Variants in SLC22A23 observed in about 807,000 individuals in gnomAD.
SLC22A23 encodes the protein solute carrier family 22 member 23.
In SLC22A23, 26 loss-of-function variants were observed where a neutral mutation model predicts 61.0. The ratio of observed to expected loss-of-function variants is 0.43; its 90% CI spans 0.31 to 0.59. The LOEUF (loss-of-function observed/expected upper bound fraction) is 0.59, where lower values mean the gene tolerates loss of function less well. SLC22A23 is among the 20% of genes least tolerant of loss of function. The pLI is 0.11. For synonymous variants in SLC22A23, 430 were observed against 413.9 expected, an observed-to-expected ratio of 1.04 and a Z score of -0.47; for missense variants, 796 against 934.7, an observed-to-expected ratio of 0.85 and a Z score of 1.94.
Position 3,287,084 on chromosome 6 carries a change from C to G in SLC22A23, c.1321G>C (p.Gly441Arg). Reference protein sequence around the residue: ...IVVLCVNSLTGYGIHHCFARS... With the variant: ...IVVLCVNSLTRYGIHHCFARS... ...GCAAAGCAGTGGTGGATCCCGTACC[C>G]CGTCAGCCTGTGGAGACATACCGAG... The change falls in exon 7 of 10, where the codon GGG (glycine) becomes CGG (arginine). Residue 441 changes from glycine (G) to arginine (R), a missense_variant. Gly to Arg is a moderately radical substitution (Grantham distance 125). Coordinates refer to ENST00000406686, the MANE Select transcript of SLC22A23 (RefSeq NM_015482.2). The G allele has an allele frequency of 6.2e-7, 1 of 1,614,050 alleles. No individual in the cohort carries two copies. Among genetic ancestry groups the G allele is most frequent in the African/African-American group, 1.3e-5 (1 of 75,050 alleles).
chr6:3,412,888 G>C (rs1769366126), intron 2 of SLC22A23, among the ~76,000 whole-genome samples: 1 of 152,184 alleles, frequency 6.6e-6, no homozygotes, highest in African/African-American at 2.4e-5. Flanking sequence ...TTAGAAGCTA[G>C]AAAAAGCAGG....
rs1004595494 is a variant in SLC22A23 at position 3,297,585 on chromosome 6, T to C, written c.1210+506A>G. ...AACCCCCACCTAGCTGTGGTAACGC[T>C]CCTGACACGCAGGAATTCTATGGAT... On this transcript the variant is annotated intron_variant, in intron 5 of 9. Transcript: ENST00000406686. The surrounding 1 kb of genome is among the most constrained non-coding windows in gnomAD (Gnocchi z 4.3). Among the ~76,000 whole-genome samples the C allele has an allele frequency of 1.3e-5, 2 of 152,170 alleles. No individual in the cohort carries two copies. Among genetic ancestry groups the C allele is most frequent in the African/African-American group, 4.8e-5 (2 of 41,426 alleles).
chr6:3,280,463 T>C (rs1265924417), intron 9 of SLC22A23, among the ~76,000 whole-genome samples: 2 of 45,822 alleles, frequency 4.4e-5, no homozygotes, highest in Admixed American at 5.1e-4. Context: ...AGTACTTGTT[T>C]TCAGATGTGA....
intron 5 of SLC22A23, 88 bp downstream of exon 5, chr6:3,298,003 C>T: frequency 7.1e-7 from 1 of 1,401,844 alleles, no homozygotes. Flanking sequence ...CTGGTTAAAA[C>T]AGCTGTTTGT....
intron 4 of SLC22A23, among the ~76,000 whole-genome samples, chr6:3,298,558 G>A (rs879832176): frequency 1.5e-4 from 23 of 152,154 alleles, no homozygotes; most frequent in Non-Finnish European, 2.6e-4. Flanking sequence ...GATAGGGAGA[G>A]GTTGGTTGAA....
chr6:3,311,018 C>T (rs974437627), intron 4 of SLC22A23, among the ~76,000 whole-genome samples: 2 of 152,212 alleles, frequency 1.3e-5, no homozygotes, highest in African/African-American at 2.4e-5. Flanking sequence ...TGTGGTTCCA[C>T]GTGACGCCAT....
At position 3,420,018 on chromosome 6, in the gene SLC22A23, C is replaced by T. The variant is rs368133609; in HGVS notation, c.655-4163G>A. On this transcript the variant is annotated intron_variant, in intron 1 of 9. Transcript: ENST00000406686. The stretch of plus-strand genomic sequence containing the variant: ...ATCCTTTAATTAAGCTTGTTAACAC[C>T]TCATCAGCAGGTTTAACAAGATCAT... Among the ~76,000 whole-genome samples, 4 of 152,234 alleles carry T rather than the reference C, an allele frequency of 2.6e-5. No homozygotes were observed. In the East Asian group the frequency reaches 5.8e-4, roughly 22 times the overall value.
chr6:3,298,901 A>G (rs967174995), intron 4 of SLC22A23, among the ~76,000 whole-genome samples: 1 of 147,880 alleles, frequency 6.8e-6, no homozygotes, highest in Non-Finnish European at 1.5e-5. Context: ...GAACCCGGGA[A>G]GCGGAGCTTG....
At chr6:3,453,471 A>C (rs1772247908) in intron 1 of SLC22A23, among the ~76,000 whole-genome samples, 1 of 152,156 alleles carries the variant, frequency 6.6e-6, no homozygotes, top group South Asian at 2.1e-4. Context: ...GGTCAGCCCT[A>C]AGATCCCTTT....
intron 3 of SLC22A23, among the ~76,000 whole-genome samples, chr6:3,385,277 C>T (rs11970141): frequency 0.19 from 28,721 of 152,034 alleles, 3,069 homozygotes; most frequent in African/African-American, 0.3. Flanking sequence ...CTTTGAGAGG[C>T]CAAGGTGGGT....
Position 3,297,889 on chromosome 6 carries a change from C to T in SLC22A23, c.1210+202G>A, listed in dbSNP as rs1761256832. Among the ~76,000 whole-genome samples the T allele has an allele frequency of 6.6e-6, 1 of 152,192 alleles. No individual in the cohort carries two copies. The highest frequency in any genetic ancestry group is 2.4e-5 in the African/African-American group (1 of 41,460). On this transcript the variant is annotated intron_variant, in intron 5 of 9. Transcript: ENST00000406686. This position sits in a 1 kb window ranked among gnomAD's most constrained non-coding sequence, Gnocchi z 4.3. ...AGGAGATGAGCAGATCCAGAGTGTGCTGGACTTGATCATGAAAGAAACCAA... is the reference window on the plus strand; with the variant it reads ...AGGAGATGAGCAGATCCAGAGTGTGTTGGACTTGATCATGAAAGAAACCAA...
Position 3,318,600 on chromosome 6 carries a change from CCTAT to C in SLC22A23, c.1082+5230_1082+5233del, listed in dbSNP as rs1419040751. ...TGCTTCCCAGGAGGCCCTGTGTGGT[CCTAT>C]GTACCCCTTCCTCCTGGGAACTGAG... On this transcript the variant is annotated intron_variant, in intron 4 of 9. Transcript: ENST00000406686. The surrounding 1 kb of genome is among the most constrained non-coding windows in gnomAD (Gnocchi z 4.3). 1.3e-5 allele frequency among the ~76,000 whole-genome samples: 2 copies of C among 152,046 alleles called. No homozygotes were observed. Among genetic ancestry groups the C allele is most frequent in the Non-Finnish European group, 2.9e-5 (2 of 67,982 alleles).
At chr6:3,444,989 G>T in intron 1 of SLC22A23, 2 of 985,584 alleles carry the variant, frequency 2.0e-6, no homozygotes, top group Non-Finnish European at 2.4e-6. Context: ...GAAGGCACCT[G>T]AGGCTTCCAG....
chr6:3,408,611 C>T (rs1428103896), intron 3 of SLC22A23, among the ~76,000 whole-genome samples: 9 of 152,236 alleles, frequency 5.9e-5, no homozygotes, highest in South Asian at 4.1e-4. Context: ...AGTCTTCTCC[C>T]CATTCTCTGG....
chr6:3,283,080 TCTCA>T (rs1287188400), intron 9 of SLC22A23, among the ~76,000 whole-genome samples: 2 of 152,172 alleles, frequency 1.3e-5, no homozygotes, highest in African/African-American at 4.8e-5. Flanking sequence ...GAGTCAGTAA[TCTCA>T]CTCGCTGTGC....
rs1452593499 is a variant in SLC22A23 at position 3,360,779 on chromosome 6, G to T, written c.914-36777C>A. On this transcript the variant is annotated intron_variant, in intron 3 of 9. Coordinates refer to ENST00000406686, the MANE Select transcript of SLC22A23 (RefSeq NM_015482.2). The surrounding 1 kb of genome is among the most constrained non-coding windows in gnomAD (Gnocchi z 4.6). ...TGTGCAGGCACCCCCATGCAGACGG[G>T]CCCCTCTGATGGAGACCTGCGTTCG... 2.0e-5 allele frequency among the ~76,000 whole-genome samples: 3 copies of T among 152,224 alleles called. No homozygotes were observed. The highest frequency in any genetic ancestry group is 7.2e-5 in the African/African-American group (3 of 41,458).
intron 1 of SLC22A23, among the ~76,000 whole-genome samples, chr6:3,433,315 G>A (rs1035201488): frequency 3.3e-5 from 5 of 152,036 alleles, no homozygotes; most frequent in Admixed American, 2.0e-4. Context: ...CCATTCCCAC[G>A]GCCTCCTTAT....
chr6:3,409,093 C>T (rs1769029069), intron 3 of SLC22A23, among the ~76,000 whole-genome samples: 1 of 152,228 alleles, frequency 6.6e-6, no homozygotes. Context: ...ACACCATCAC[C>T]CAGGCCCACT....
intron 4 of SLC22A23, among the ~76,000 whole-genome samples, chr6:3,302,323 T>C (rs1045130089): frequency 2.0e-5 from 3 of 152,178 alleles, no homozygotes; most frequent in African/African-American, 4.8e-5. Context: ...GTCTTCTCTG[T>C]CTTTTTCTTA....
Sources: gnomAD v4.1 joint callset for allele counts (sites outside exome capture counted in the v4.1 genomes callset) on GRCh38, gnomAD v4.1.1 for gene constraint, Gnocchi (gnomAD v3.1) non-coding constraint, MANE v1.5 for transcripts, NCBI Gene and HGNC (gene_info 2026-07-23, HGNC 2026-07-21) for gene names.